Variants in TSHZ3 observed in about 807,000 individuals in gnomAD.
TSHZ3 encodes teashirt homolog 3.
In TSHZ3, 10 loss-of-function variants were observed where a neutral mutation model predicts 64.5. That is an observed-to-expected ratio of 0.16 (90% CI 0.10 to 0.26). The LOEUF is 0.26. Among genes scored for constraint, TSHZ3 ranks in the 10% least tolerant of loss-of-function variants. The pLI is 1.00. For synonymous variants in TSHZ3, 608 were observed against 593.1 expected, an observed-to-expected ratio of 1.03 and a Z score of -0.36; for missense variants, 1,242 against 1,421.7, an observed-to-expected ratio of 0.87 and a Z score of 2.03.
At chr19:31,255,270 G>A (rs1005096793) in intron 1 of TSHZ3, among the ~76,000 whole-genome samples, 3 of 152,046 alleles carry the variant, frequency 2.0e-5, no homozygotes, top group African/African-American at 7.2e-5. Context: ...CAGTGAGGAC[G>A]GGCTCTGCTT....
At chr19:31,157,312 T>A (rs907540411) in intron 5 of TSHZ3, among the ~76,000 whole-genome samples, 5 of 152,202 alleles carry the variant, frequency 3.3e-5, no homozygotes, top group African/African-American at 9.6e-5. Flanking sequence ...AGAGTAGGAA[T>A]CAGCAAACTG....
chr19:31,295,615 T>A (rs1976648011), intron 1 of TSHZ3, among the ~76,000 whole-genome samples: 1 of 152,026 alleles, frequency 6.6e-6, no homozygotes, highest in South Asian at 2.1e-4. Context: ...CCTTTGGAGG[T>A]GGTGGCTGGG....
At chr19:31,247,212 A>G (rs1975767522) in intron 1 of TSHZ3, among the ~76,000 whole-genome samples, 1 of 152,202 alleles carries the variant, frequency 6.6e-6, no homozygotes, top group African/African-American at 2.4e-5. Flanking sequence ...AACAGGGGAT[A>G]TTTACATAGT....
At chr19:31,188,668 G>A (rs1338633306) in intron 5 of TSHZ3, among the ~76,000 whole-genome samples, 1 of 151,646 alleles carries the variant, frequency 6.6e-6, no homozygotes, top group Non-Finnish European at 1.5e-5. Context: ...AATCCATTTA[G>A]TCATGATGTA....
At chr19:31,330,371 C>T (rs999030218) in intron 1 of TSHZ3, among the ~76,000 whole-genome samples, 1 of 152,200 alleles carries the variant, frequency 6.6e-6, no homozygotes, top group Non-Finnish European at 1.5e-5. Context: ...GAGCTGCTAG[C>T]ACAGGCCTCG....
chr19:31,312,548 G>A (rs898041231), intron 1 of TSHZ3, among the ~76,000 whole-genome samples: 1 of 152,112 alleles, frequency 6.6e-6, no homozygotes, highest in Non-Finnish European at 1.5e-5. Context: ...TTCCTCTTTA[G>A]AAAAGACACT....
chr19:31,309,255 G>A (rs1039568665), intron 1 of TSHZ3, among the ~76,000 whole-genome samples: 4 of 152,222 alleles, frequency 2.6e-5, no homozygotes, highest in Non-Finnish European at 4.4e-5. Flanking sequence ...AACCCACCAG[G>A]GTGCGTGATG....
chr19:31,188,631 G>T (rs531744380), intron 5 of TSHZ3, among the ~76,000 whole-genome samples: 2 of 151,756 alleles, frequency 1.3e-5, no homozygotes, highest in Non-Finnish European at 2.9e-5. Flanking sequence ...ATTTTTTAAT[G>T]TTAAAACAAT....
At chr19:31,270,176 C>G (rs2145205243), downstream of TSHZ3, among the ~76,000 whole-genome samples, 1 of 152,278 alleles carries the variant, frequency 6.6e-6, no homozygotes, top group South Asian at 2.1e-4. Context: ...TGGCTTTGAT[C>G]AGAGATAGTA....
chr19:31,175,277 T>C (rs1214415731), intron 5 of TSHZ3, among the ~76,000 whole-genome samples: 1 of 151,584 alleles, frequency 6.6e-6, no homozygotes, highest in Non-Finnish European at 1.5e-5. Flanking sequence ...GTTTTGTTGA[T>C]CAATTTTAAT....
At position 31,296,969 on chromosome 19, in the gene TSHZ3, A is replaced by G. The variant is rs539022501; in HGVS notation, c.41-17217T>C. 2.1e-3 allele frequency among the ~76,000 whole-genome samples: 322 copies of G among 152,322 alleles called. 2 individuals are homozygous for G. Among genetic ancestry groups the G allele is most frequent in the Non-Finnish European group, 4.0e-3 (273 of 68,028 alleles). ...CCACAGTGACAACAAACTATGGGAA[A>G]ACAGAGACATAGGCAAACTATGTGC... On this transcript the variant is annotated intron_variant, in intron 1 of 1. Transcript: ENST00000240587.
At chr19:31,285,187 G>A (rs1976434589) in intron 1 of TSHZ3, among the ~76,000 whole-genome samples, 1 of 152,130 alleles carries the variant, frequency 6.6e-6, no homozygotes, top group Non-Finnish European at 1.5e-5. Context: ...CCCTCTTCAG[G>A]AATGCATTAT....
At position 31,277,698 on chromosome 19, in the gene TSHZ3, C is replaced by T. The variant is rs751654489; in HGVS notation, c.2095G>A (p.Ala699Thr). The T allele has an allele frequency of 1.8e-5, 28 of 1,527,206 alleles. No homozygotes were observed. The highest frequency in any genetic ancestry group is 1.8e-4 in the Middle Eastern group (1 of 5,644). 94.6% of individuals were successfully genotyped at this position (1,527,206 alleles called of 1,614,324 possible). A position where few individuals can be genotyped will look rare whatever the true frequency, so the allele number is the denominator to read the frequency against. ...ENGKELVKPL[A>T]SSLSGSTAII... The stretch of plus-strand genomic sequence containing the variant: ...GCCGTGCTGCCACTCAAACTGCTGG[C>T]TAGGGGCTTCACCAGCTCCTTGCCA... The change falls in exon 2 of 2, where the codon GCC (alanine) becomes ACC (threonine). Residue 699 changes from alanine to threonine, a missense_variant. This residue lies in a region of TSHZ3 where 550 missense variants were observed against 545.1 expected (regional missense o/e 1.01). Coordinates refer to ENST00000240587, the MANE Select transcript of TSHZ3 (RefSeq NM_020856.4). The surrounding 1 kb of genome is among the most constrained non-coding windows in gnomAD (Gnocchi z 4.5).
chr19:31,223,561 C>A (rs1480900541), intron 4 of TSHZ3, among the ~76,000 whole-genome samples: 3 of 152,176 alleles, frequency 2.0e-5, no homozygotes, highest in Non-Finnish European at 2.9e-5. Context: ...GCCTTTCACT[C>A]CAGTTATTTA....
chr19:31,151,739 C>CT (rs1350478563), exon 7 of TSHZ3, among the ~76,000 whole-genome samples: 1 of 152,188 alleles, frequency 6.6e-6, no homozygotes, highest in African/African-American at 2.4e-5. Context: ...CATAGGGCTT[C>CT]TCTTCCTAGC....
intron 1 of TSHZ3, among the ~76,000 whole-genome samples, chr19:31,302,890 T>C (rs1345561057): frequency 2.0e-5 from 3 of 150,990 alleles, no homozygotes; most frequent in Non-Finnish European, 1.5e-5. Flanking sequence ...GCCCATTGCT[T>C]GCTTGGTGGA....
chr19:31,180,061 T>A (rs1431246973), intron 5 of TSHZ3, among the ~76,000 whole-genome samples: 1 of 152,174 alleles, frequency 6.6e-6, no homozygotes, highest in African/African-American at 2.4e-5. Flanking sequence ...AAGCCCCTGG[T>A]CCTGGCAATT....
downstream of TSHZ3, among the ~76,000 whole-genome samples, chr19:31,271,405 C>T (rs1377623072): frequency 1.3e-5 from 2 of 152,168 alleles, no homozygotes; most frequent in African/African-American, 2.4e-5. Context: ...GAAACAAAAC[C>T]CTGGGTTTGA....
chr19:31,273,012 C>T (rs1043437936), downstream of TSHZ3, among the ~76,000 whole-genome samples: 4 of 152,132 alleles, frequency 2.6e-5, no homozygotes, highest in East Asian at 1.9e-4. Flanking sequence ...ACGCGGAGTG[C>T]GACTTTACAA....
Sources: gnomAD v4.1 joint callset for allele counts (sites outside exome capture counted in the v4.1 genomes callset) on GRCh38, gnomAD v4.1.1 for gene constraint, gnomAD v4.1.1 regional missense constraint, Gnocchi (gnomAD v3.1) non-coding constraint, MANE v1.5 for transcripts, NCBI Gene and HGNC (gene_info 2026-07-23, HGNC 2026-07-21) for gene names.